Variants in COL25A1 observed in about 807,000 individuals in gnomAD.
The protein encoded by COL25A1 is collagen alpha-1(XXV) chain.
A neutral mutation model predicts 128.4 loss-of-function variants in COL25A1; 103 were observed. That is an observed-to-expected ratio of 0.80 (90% CI 0.68 to 0.94). The LOEUF is 0.94. Ranked by LOEUF, COL25A1 falls within the 40% of genes least tolerant of loss-of-function variation. COL25A1 has a pLI of 0.00. For synonymous variants in COL25A1, 279 were observed against 277.2 expected, an observed-to-expected ratio of 1.01 and a Z score of -0.06; for missense variants, 745 against 840.0, an observed-to-expected ratio of 0.89 and a Z score of 1.40.
Position 108,940,528 on chromosome 4 carries a change from A to G in COL25A1, c.672+11T>C, listed in dbSNP as rs1017949419. On this transcript the variant is annotated intron_variant, in intron 10 of 37. Transcript: ENST00000399132. ...AACGTGTGAGAATAAGTGATCCAAA[A>G]AGCGACTCACGGGTACTCCTGGCAT... 2.6e-5 allele frequency: 42 copies of G among 1,607,012 alleles called. No homozygotes were observed. The highest frequency in any genetic ancestry group is 3.2e-5 in the Non-Finnish European group (38 of 1,174,168).
intron 3 of COL25A1, among the ~76,000 whole-genome samples, chr4:109,055,316 T>C (rs79526642): frequency 0.021 from 3,144 of 152,266 alleles, 66 homozygotes; most frequent in African/African-American, 0.055. Flanking sequence ...ACCTGGACCA[T>C]CAGAGCAGCT....
chr4:109,064,661 GCATTGT>G (rs1454316023), intron 3 of COL25A1, among the ~76,000 whole-genome samples: 1 of 152,304 alleles, frequency 6.6e-6, no homozygotes, highest in African/African-American at 2.4e-5. Context: ...GACCTCCCAT[GCATTGT>G]CATTAAGTTC....
intron 5 of COL25A1, among the ~76,000 whole-genome samples, chr4:109,044,260 T>G (rs1389784720): frequency 6.6e-6 from 1 of 152,120 alleles, no homozygotes; most frequent in African/African-American, 2.4e-5. Flanking sequence ...TATGCAAGAC[T>G]ATAAAAACTG....
At chr4:108,995,020 C>A (rs1754617911) in intron 6 of COL25A1, among the ~76,000 whole-genome samples, 1 of 152,144 alleles carries the variant, frequency 6.6e-6, no homozygotes, top group African/African-American at 2.4e-5. Flanking sequence ...GAAACCAGAG[C>A]AGAAAAGCTG....
At chr4:108,940,312 AT>A (rs372207742) in intron 10 of COL25A1, among the ~76,000 whole-genome samples, 583 of 152,248 alleles carry the variant, frequency 3.8e-3, no homozygotes, top group Non-Finnish European at 6.5e-3. Flanking sequence ...TTCCCAGTGT[AT>A]TCAGTGGTAA....
chr4:108,819,138 AGT>A (rs1475284607), intron 36 of COL25A1, 112 bp downstream of exon 36: 1 of 696,408 alleles, frequency 1.4e-6, no homozygotes, highest in African/African-American at 1.8e-5. Context: ...ACATGCATGT[AGT>A]GTGTTTATCA....
intron 3 of COL25A1, among the ~76,000 whole-genome samples, chr4:109,190,684 T>C (rs1358596291): frequency 2.0e-5 from 3 of 152,236 alleles, no homozygotes; most frequent in Non-Finnish European, 4.4e-5. Flanking sequence ...ATGTAATTTC[T>C]TCTTGAAGAA....
chr4:109,300,657 A>G lies in COL25A1; in HGVS notation c.298-5T>C. 6.2e-7 allele frequency: 1 copy of G among 1,600,760 alleles called. No individual in the cohort carries two copies. The highest frequency in any genetic ancestry group is 1.1e-5 in the South Asian group (1 of 90,794). ...AGCCATATGTTCATAGGATTTCTGT[A>G]GGAAAAGAAGAGTTATTAATAATCA... On this transcript the variant is annotated splice_polypyrimidine_tract_variant and splice_region_variant and intron_variant, in intron 2 of 37. Coordinates refer to ENST00000399132, the MANE Select transcript of COL25A1 (RefSeq NM_198721.4).
chr4:108,819,926 AC>A, intron 35 of COL25A1: 1 of 1,109,410 alleles, frequency 9.0e-7, no homozygotes, highest in Non-Finnish European at 1.1e-6. Context: ...TAAATAAAAG[AC>A]AAATTTTATT....
At chr4:109,101,686 A>C (rs1765905709) in intron 3 of COL25A1, among the ~76,000 whole-genome samples, 2 of 152,128 alleles carry the variant, frequency 1.3e-5, no homozygotes, top group African/African-American at 4.8e-5. Context: ...TTTCCCAGTA[A>C]TTTATTCCAT....
chr4:109,165,088 C>T (rs1397516402), intron 3 of COL25A1, among the ~76,000 whole-genome samples: 1 of 152,172 alleles, frequency 6.6e-6, no homozygotes, highest in Non-Finnish European at 1.5e-5. Context: ...ATCCTTTGCA[C>T]ATAGAACTAG....
At position 108,813,433 on chromosome 4, in the gene COL25A1, C is replaced by CT. The variant is rs1158891658; in HGVS notation, c.*493dup. Reference sequence around the variant, plus strand: ...CAAGCAGGTTTGGCACACAGTCATGCTTTTTTAGTTAGTTTCAATGGGTGG... The same window carrying CT: ...CAAGCAGGTTTGGCACACAGTCATGCTTTTTTTAGTTAGTTTCAATGGGTGG... On this transcript the variant is annotated 3_prime_UTR_variant, in exon 38 of 38. Transcript: ENST00000399132. The CT allele has an allele frequency of 6.5e-6, 1 of 153,382 alleles. No individual in the cohort carries two copies. Among genetic ancestry groups the CT allele is most frequent in the Non-Finnish European group, 1.5e-5 (1 of 68,876 alleles). 9.5% of individuals were successfully genotyped at this position (153,382 alleles called of 1,614,324 possible). A position where few individuals can be genotyped will look rare whatever the true frequency, so the allele number is the denominator to read the frequency against.
intron 3 of COL25A1, among the ~76,000 whole-genome samples, chr4:109,236,047 TTTG>T (rs1371156749): frequency 2.0e-5 from 3 of 152,054 alleles, no homozygotes; most frequent in Non-Finnish European, 2.9e-5. Context: ...TTGCTTATAC[TTTG>T]TTGTTATTTC....
At chr4:109,152,332 A>T (rs1771584671) in intron 3 of COL25A1, among the ~76,000 whole-genome samples, 1 of 152,202 alleles carries the variant, frequency 6.6e-6, no homozygotes, top group Non-Finnish European at 1.5e-5. Context: ...CAAACTCATT[A>T]GCATATATTT....
chr4:109,032,320 T>C (rs991885227), intron 5 of COL25A1, among the ~76,000 whole-genome samples: 4 of 152,158 alleles, frequency 2.6e-5, no homozygotes, highest in African/African-American at 9.7e-5. Context: ...TTCATTCTTA[T>C]ATGAATTTTT....
chr4:109,149,601 C>T (rs148255725), intron 3 of COL25A1, among the ~76,000 whole-genome samples: 3 of 152,052 alleles, frequency 2.0e-5, no homozygotes, highest in East Asian at 3.9e-4. Context: ...CACTGAGATG[C>T]GAGGTTGCGA....
chr4:108,924,122 T>G (rs1427986275), intron 11 of COL25A1, among the ~76,000 whole-genome samples: 1 of 152,170 alleles, frequency 6.6e-6, no homozygotes, highest in Non-Finnish European at 1.5e-5. Flanking sequence ...CTGGGTGATA[T>G]AAATTGTAAA....
chr4:108,933,788 A>G (rs892579832), intron 11 of COL25A1, among the ~76,000 whole-genome samples: 1 of 152,078 alleles, frequency 6.6e-6, no homozygotes, highest in Non-Finnish European at 1.5e-5. Flanking sequence ...GACTATAGTC[A>G]TACACCACTA....
chr4:109,273,976 T>C (rs1212521519), intron 3 of COL25A1, among the ~76,000 whole-genome samples: 1 of 152,204 alleles, frequency 6.6e-6, no homozygotes, highest in African/African-American at 2.4e-5. Context: ...AAAGCAGGAA[T>C]ACTTGTTGGA....
Sources: allele counts gnomAD v4.1 joint callset (sites outside exome capture counted in the v4.1 genomes callset), GRCh38; gene constraint gnomAD v4.1.1; transcripts MANE v1.5; gene names NCBI Gene and HGNC (gene_info 2026-07-23, HGNC 2026-07-21).